Variants in ASIC2 observed in about 807,000 individuals in gnomAD.
ASIC2 encodes the protein acid sensing ion channel subunit 2.
ASIC2 carries 25 observed loss-of-function variants against 57.3 expected under a neutral mutation model. That is an observed-to-expected ratio of 0.44 (90% CI 0.32 to 0.61). The LOEUF is 0.61. ASIC2 is among the 20% of genes least tolerant of loss of function. ASIC2 has a pLI of 0.06. For synonymous variants in ASIC2, 319 were observed against 307.5 expected, an observed-to-expected ratio of 1.04 and a Z score of -0.39; for missense variants, 641 against 738.1, an observed-to-expected ratio of 0.87 and a Z score of 1.52.
intron 1 of ASIC2, among the ~76,000 whole-genome samples, chr17:33,252,825 C>T (rs1908932162): frequency 6.6e-6 from 1 of 152,106 alleles, no homozygotes; most frequent in African/African-American, 2.4e-5. Context: ...TGGGCTATGG[C>T]CACATCTCTC....
chr17:33,964,209 G>A (rs1307479700), intron 1 of ASIC2, among the ~76,000 whole-genome samples: 1 of 152,184 alleles, frequency 6.6e-6, no homozygotes, highest in Non-Finnish European at 1.5e-5. Flanking sequence ...TTCAGTAGAT[G>A]CCTGTACAGC....
chr17:33,810,676 T>G (rs970815124), intron 1 of ASIC2, among the ~76,000 whole-genome samples: 7 of 152,262 alleles, frequency 4.6e-5, no homozygotes, highest in African/African-American at 1.7e-4. Context: ...AAGTTCAAAT[T>G]ATGTGAGTTA....
chr17:33,269,759 C>CTTCCTTCCTTCCTTCCTTCCTTCT (rs1431457332), intron 1 of ASIC2, among the ~76,000 whole-genome samples: 106 of 145,244 alleles, frequency 7.3e-4, no homozygotes, highest in African/African-American at 2.8e-3. Context: ...TCTTTCCTTC[C>CTTCCTTCCTTCCTTCCTTCCTTCT]TTCCTTCCTT....
At chr17:34,012,719 T>TG (rs35856515) in intron 1 of ASIC2, among the ~76,000 whole-genome samples, 1 of 53,248 alleles carries the variant, frequency 1.9e-5, no homozygotes, top group Admixed American at 2.5e-4. Context: ...CAGAGAATGA[T>TG]TTTTTTTTTT....
chr17:33,326,638 G>A (rs549407759), intron 1 of ASIC2, among the ~76,000 whole-genome samples: 2 of 152,132 alleles, frequency 1.3e-5, no homozygotes, highest in Non-Finnish European at 2.9e-5. Context: ...TTTCCCTTGA[G>A]GAAAACCAGC....
At chr17:33,614,286 G>A (rs921262798) in intron 1 of ASIC2, among the ~76,000 whole-genome samples, 7 of 152,178 alleles carry the variant, frequency 4.6e-5, no homozygotes, top group Non-Finnish European at 1.0e-4. Context: ...TTCAGAGGGC[G>A]TCATCACCTT....
At chr17:33,746,348 G>A in intron 1 of ASIC2, among the ~76,000 whole-genome samples, 1 of 142,150 alleles carries the variant, frequency 7.0e-6, no homozygotes, top group African/African-American at 2.6e-5. Context: ...ATACATACAT[G>A]TATCTACCTA....
At chr17:33,972,541 A>G (rs1297189510) in intron 1 of ASIC2, among the ~76,000 whole-genome samples, 2 of 152,226 alleles carry the variant, frequency 1.3e-5, no homozygotes, top group Admixed American at 1.3e-4. Context: ...AGGAGCATCA[A>G]GAAGCATTCT....
intron 1 of ASIC2, chr17:33,624,228 G>A (rs538623708): frequency 2.0e-5 from 3 of 152,310 alleles, no homozygotes; most frequent in Non-Finnish European, 4.4e-5. Flanking sequence ...TATATCAGCA[G>A]AAGAAAAGAT....
At chr17:33,902,239 T>C (rs12950351) in intron 1 of ASIC2, among the ~76,000 whole-genome samples, 4,264 of 152,270 alleles carry the variant, frequency 0.028, 189 homozygotes, top group African/African-American at 0.098. Flanking sequence ...CTACCAATTA[T>C]TTTGTAAGCT....
At chr17:33,026,434 A>T (rs1189544518) in intron 4 of ASIC2, among the ~76,000 whole-genome samples, 4 of 152,220 alleles carry the variant, frequency 2.6e-5, no homozygotes, top group African/African-American at 4.8e-5. Flanking sequence ...AGGCTTAAGC[A>T]TCCTGCCTTC....
At chr17:33,214,212 T>C (rs981185708) in intron 1 of ASIC2, among the ~76,000 whole-genome samples, 5 of 152,082 alleles carry the variant, frequency 3.3e-5, no homozygotes, top group African/African-American at 9.7e-5. Context: ...AGCAATAAAT[T>C]AGAATGTCAG....
At chr17:33,857,360 G>A (rs1414523436) in intron 1 of ASIC2, among the ~76,000 whole-genome samples, 41 of 152,236 alleles carry the variant, frequency 2.7e-4, no homozygotes, top group Admixed American at 2.7e-3. Flanking sequence ...AAGAGCAGGT[G>A]AAAGGCAAGG....
At chr17:33,862,147 A>G (rs1479203553) in intron 1 of ASIC2, among the ~76,000 whole-genome samples, 1 of 152,168 alleles carries the variant, frequency 6.6e-6, no homozygotes, top group Non-Finnish European at 1.5e-5. Flanking sequence ...CCATCCTTCA[A>G]TGTCCAGCTA....
chr17:33,076,738 G>A (rs558052958), intron 3 of ASIC2, among the ~76,000 whole-genome samples: 1 of 152,258 alleles, frequency 6.6e-6, no homozygotes, highest in Non-Finnish European at 1.5e-5. Flanking sequence ...TTTCCCCAAG[G>A]GATCTCCAAA....
intron 1 of ASIC2, among the ~76,000 whole-genome samples, chr17:33,628,894 A>G (rs1198950849): frequency 2.0e-5 from 3 of 152,198 alleles, no homozygotes; most frequent in Non-Finnish European, 2.9e-5. Flanking sequence ...ACCAAATCCC[A>G]TGCTCTTAGC....
In ASIC2 at chr17:33,037,187, C is replaced by T. The variant is rs114100840; in HGVS notation, c.988-8795G>A. ...CCCCTACATTGCTCAATATTGGATC[C>T]ATGAACACACAATCTGGATTTTGGA... On this transcript the variant is annotated intron_variant, in intron 3 of 9. Coordinates refer to ENST00000225823, the MANE Select transcript of ASIC2 (RefSeq NM_183377.2). 5.7e-3 allele frequency among the ~76,000 whole-genome samples: 858 copies of T among 149,696 alleles called. 10 individuals carry two copies. Among genetic ancestry groups the T allele is most frequent in the African/African-American group, 0.017 (676 of 40,670 alleles).
At chr17:33,724,151 C>T (rs755958867) in intron 1 of ASIC2, among the ~76,000 whole-genome samples, 1 of 152,196 alleles carries the variant, frequency 6.6e-6, no homozygotes, top group Non-Finnish European at 1.5e-5. Flanking sequence ...TCACTCGGTT[C>T]TCATTCTCTC....
intron 1 of ASIC2, among the ~76,000 whole-genome samples, chr17:33,366,431 G>C (rs1444131508): frequency 6.6e-6 from 1 of 152,076 alleles, no homozygotes; most frequent in African/African-American, 2.4e-5. Context: ...GCCTTGCCTT[G>C]GTACCTGCAC....
Sources: allele counts gnomAD v4.1 joint callset (sites outside exome capture counted in the v4.1 genomes callset), GRCh38; gene constraint gnomAD v4.1.1; transcripts MANE v1.5; gene names NCBI Gene and HGNC (gene_info 2026-07-23, HGNC 2026-07-21).